YEATS2: variants seen among roughly 807,000 people sequenced by gnomAD.
YEATS2 encodes YEATS domain containing 2.
Under a neutral mutation model 163.2 loss-of-function variants are expected in YEATS2, and 77 were observed. That is an observed-to-expected ratio of 0.47 (90% CI 0.39 to 0.57). The LOEUF is 0.57. YEATS2 is among the 20% of genes least tolerant of loss of function. The pLI is 0.00. For missense variants in YEATS2, 1,549 were observed against 1,729.8 expected, an observed-to-expected ratio of 0.90 and a Z score of 1.85; for synonymous variants, 631 against 645.1, an observed-to-expected ratio of 0.98 and a Z score of 0.33.
In YEATS2 at chr3:183,772,540, A is replaced by T; in HGVS notation, c.2183A>T (p.Gln728Leu). 1 of 1,614,038 alleles carries T rather than the reference A, an allele frequency of 6.2e-7. No individual in the cohort carries two copies. Residue 728 changes from glutamine to leucine, a missense_variant, in exon 16 of 31, where the codon CAG (glutamine) becomes CTG (leucine). Coordinates refer to ENST00000305135, the MANE Select transcript of YEATS2 (RefSeq NM_018023.5). ...GCCCAGGTTACTGCCGCTGGTCCTC[A>T]GAAGAGTGGATCCCAGGGTTCAGGT... is the stretch of plus-strand genomic sequence containing the variant. ...TKAQVTAAGPQKSGSQGSVMA... is the reference protein window; with the variant it reads ...TKAQVTAAGPLKSGSQGSVMA...
chr3:183,723,081 A>G (rs1037063674), intron 5 of YEATS2, among the ~76,000 whole-genome samples: 4 of 152,144 alleles, frequency 2.6e-5, no homozygotes, highest in Admixed American at 6.5e-5. Flanking sequence ...AGGTCTTTCA[A>G]CTCTGTCGTG....
At position 183,798,023 on chromosome 3, in the gene YEATS2, G is replaced by A; in HGVS notation, c.3198G>A (p.Val1066=). The A allele has an allele frequency of 6.2e-7, 1 of 1,614,078 alleles. No homozygotes were observed. The highest frequency in any genetic ancestry group is 8.5e-7 in the Non-Finnish European group (1 of 1,179,956). The change falls in exon 22 of 31, where the codon GTG becomes GTA. Residue 1066 remains valine, a synonymous_variant. Coordinates refer to ENST00000305135, the MANE Select transcript of YEATS2 (RefSeq NM_018023.5). ...TCAGCGTAAACACATCTGGAGGGGT[G>A]CAGACGATCCTGATGCCTGTGAATA... ...KPLSVNTSGG[V]QTILMPVNKV...
chr3:183,756,511 T>C lies in YEATS2; in HGVS notation c.1391-17T>C, dbSNP rs1467011337. ...ATATGTGTATTTTGTTTGTATTCTC[T>C]CTTTTTAATTAATAAGGTTCCCCAA... On this transcript the variant is annotated splice_polypyrimidine_tract_variant and intron_variant, in intron 11 of 30. Coordinates refer to ENST00000305135, the MANE Select transcript of YEATS2 (RefSeq NM_018023.5). 1 of 1,533,922 alleles carries C rather than the reference T, an allele frequency of 6.5e-7. No homozygotes were observed. Among genetic ancestry groups the C allele is most frequent in the South Asian group, 1.3e-5 (1 of 77,250 alleles).
chr3:183,724,303 T>C (rs1716835654), intron 5 of YEATS2, 116 bp from the exon 6 acceptor site: 1 of 724,424 alleles, frequency 1.4e-6, no homozygotes, highest in East Asian at 2.8e-5. Context: ...CCAGAAAATT[T>C]TGTAATTTTT....
chr3:183,806,158 TAAGTTGAA>T, intron 27 of YEATS2: 1 of 382,292 alleles, frequency 2.6e-6, no homozygotes, highest in Non-Finnish European at 5.1e-6. Context: ...AAGGCCATCG[TAAGTTGAA>T]AATATCCTAA....
intron 21 of YEATS2, among the ~76,000 whole-genome samples, chr3:183,796,757 T>C (rs1725189699): frequency 6.6e-6 from 1 of 151,932 alleles, no homozygotes; most frequent in South Asian, 2.1e-4. Context: ...ATGTACAAAA[T>C]CCAAAATTTT....
At chr3:183,789,985 C>T (rs1724454536) in intron 20 of YEATS2, among the ~76,000 whole-genome samples, 1 of 152,204 alleles carries the variant, frequency 6.6e-6, no homozygotes, top group South Asian at 2.1e-4. Context: ...TGTGGCTTGA[C>T]TTCTCAAGCT....
At chr3:183,748,250 T>C (rs1577104673) in intron 9 of YEATS2, among the ~76,000 whole-genome samples, 4 of 142,874 alleles carry the variant, frequency 2.8e-5, no homozygotes, top group African/African-American at 2.6e-5. Context: ...CCCCTCCCCT[T>C]CCCCTCCTTT....
intron 26 of YEATS2, 128 bp from the exon 27 acceptor site, chr3:183,803,859 G>A (rs1442264622): frequency 3.1e-6 from 3 of 959,262 alleles, no homozygotes; most frequent in Non-Finnish European, 4.5e-6. Context: ...AACACAACCA[G>A]GTTTTTTTCT....
At chr3:183,730,355 A>G (rs1424496331) in intron 7 of YEATS2, among the ~76,000 whole-genome samples, 3 of 151,878 alleles carry the variant, frequency 2.0e-5, no homozygotes, top group Admixed American at 6.6e-5. Flanking sequence ...ATGAGCTACC[A>G]TGTCCGGCCC....
intron 20 of YEATS2, among the ~76,000 whole-genome samples, chr3:183,788,301 G>C (rs1724263069): frequency 6.6e-6 from 1 of 151,344 alleles, no homozygotes; most frequent in Non-Finnish European, 1.5e-5. Context: ...CTCCCTCCCT[G>C]CTGTTGGCCT....
intron 1 of YEATS2, among the ~76,000 whole-genome samples, chr3:183,700,853 C>A (rs1049545912): frequency 6.7e-6 from 1 of 150,238 alleles, no homozygotes; most frequent in African/African-American, 2.5e-5. Flanking sequence ...CAGAAACAGG[C>A]AAGTTTATCC....
intron 9 of YEATS2, among the ~76,000 whole-genome samples, chr3:183,748,476 T>G (rs1719803659): frequency 6.6e-6 from 1 of 152,128 alleles, no homozygotes; most frequent in African/African-American, 2.4e-5. Flanking sequence ...GCTCTCGAAC[T>G]GCTGACTGCT....
chr3:183,754,445 G>T, intron 11 of YEATS2, 80 bp downstream of exon 11: 1 of 1,504,592 alleles, frequency 6.6e-7, no homozygotes, highest in African/African-American at 1.4e-5. Context: ...AAAATACTTG[G>T]CTTTTTTTCT....
rs771288179 is a variant in YEATS2, at chr3:183,776,101, A to G, written c.2555A>G (p.Tyr852Cys). 3.1e-6 allele frequency: 5 copies of G among 1,591,540 alleles called. No homozygotes were observed. The highest frequency in any genetic ancestry group is 4.3e-6 in the Non-Finnish European group (5 of 1,169,340). ...TCTCAGCACCTGACTTACACATCTT[A>G]CATCCTCAAGCAAACTCCCCAGGTC... ...GISQHLTYTS[Y>C]ILKQTPQGTF... Residue 852 changes from tyrosine (Y) to cysteine (C), a missense_variant, in exon 18 of 31, where the codon TAC (tyrosine) becomes TGC (cysteine). Coordinates refer to ENST00000305135, the MANE Select transcript of YEATS2 (RefSeq NM_018023.5).
intron 1 of YEATS2, among the ~76,000 whole-genome samples, chr3:183,711,206 C>T (rs780858322): frequency 1.3e-5 from 2 of 152,148 alleles, no homozygotes; most frequent in Admixed American, 6.5e-5. Context: ...CGCAGTGGCT[C>T]ATGCCTGTAA....
In YEATS2 at chr3:183,789,082, C is replaced by T. The variant is rs114466143; in HGVS notation, c.2914-1715C>T. Among the ~76,000 whole-genome samples the T allele has an allele frequency of 7.9e-3, 1,201 of 152,186 alleles. 12 individuals are homozygous for T. The highest frequency in any genetic ancestry group is 0.028 in the African/African-American group (1,149 of 41,540). ...TATTTCCTCCCATTCTGTGGGCTGT[C>T]TCTTTGTTGATTGTTTTCTTTGCTG... is the stretch of plus-strand genomic sequence containing the variant. On this transcript the variant is annotated intron_variant, in intron 20 of 30. Transcript: ENST00000305135.
At chr3:183,724,058 A>C (rs976737200) in intron 5 of YEATS2, among the ~76,000 whole-genome samples, 6 of 152,216 alleles carry the variant, frequency 3.9e-5, no homozygotes, top group Non-Finnish European at 8.8e-5. Flanking sequence ...TTTGAATATT[A>C]TAAAAGGTTA....
At chr3:183,805,008 C>CA (rs888752033) in intron 27 of YEATS2, among the ~76,000 whole-genome samples, 7 of 148,534 alleles carry the variant, frequency 4.7e-5, no homozygotes, top group Admixed American at 6.7e-5. Context: ...ACCACACACA[C>CA]AAAAAAAACA....
Sources: allele counts gnomAD v4.1 joint callset (sites outside exome capture counted in the v4.1 genomes callset), GRCh38; gene constraint gnomAD v4.1.1; transcripts MANE v1.5; gene names NCBI Gene and HGNC (gene_info 2026-07-23, HGNC 2026-07-21).